Variants in SLAIN2 observed in about 807,000 individuals in gnomAD.
SLAIN2 encodes the protein SLAIN motif-containing protein 2.
A neutral mutation model predicts 56.6 loss-of-function variants in SLAIN2; 31 were observed. The observed-to-expected ratio is 0.55, with a 90% CI of 0.41 to 0.74. The LOEUF is 0.74. Among genes scored for constraint, SLAIN2 ranks in the 30% least tolerant of loss-of-function variants. SLAIN2 has a pLI of 0.00. For missense variants in SLAIN2, 777 were observed against 754.2 expected (o/e 1.03, Z -0.35); for synonymous variants, 317 against 284.9 (o/e 1.11, Z -1.13).
chr4:48,404,699 A>G (rs1716649583), intron 6 of SLAIN2, among the ~76,000 whole-genome samples: 2 of 152,192 alleles, frequency 1.3e-5, no homozygotes, highest in Admixed American at 6.5e-5. Context: ...AGACTTAATA[A>G]TGTTTTTATG....
intron 6 of SLAIN2, among the ~76,000 whole-genome samples, chr4:48,388,954 A>G (rs1282429101): frequency 1.3e-5 from 2 of 152,234 alleles, no homozygotes; most frequent in African/African-American, 4.8e-5. Context: ...CTGAAGAGAG[A>G]AGGACGACTG....
intron 5 of SLAIN2, among the ~76,000 whole-genome samples, chr4:48,383,197 G>C (rs545970189): frequency 1.4e-5 from 2 of 145,646 alleles, no homozygotes; most frequent in Admixed American, 6.8e-5. Context: ...AAAGTTTCTA[G>C]ATTAAAAAAA....
At chr4:48,347,449 A>G (rs1223171318) in intron 1 of SLAIN2, among the ~76,000 whole-genome samples, 5 of 151,626 alleles carry the variant, frequency 3.3e-5, no homozygotes, top group Admixed American at 6.6e-5. Flanking sequence ...GGGTCTCACT[A>G]TGTTGCCCAG....
At chr4:48,370,389 G>C (rs75239362) in intron 2 of SLAIN2, among the ~76,000 whole-genome samples, 5,097 of 152,258 alleles carry the variant, frequency 0.033, 101 homozygotes, top group Admixed American at 0.048. Flanking sequence ...CAGAGACCTT[G>C]TTCTCACTCT....
chr4:48,377,766 CA>C (rs1302600910), intron 2 of SLAIN2, 129 bp from the exon 3 acceptor site: 1 of 860,416 alleles, frequency 1.2e-6, no homozygotes, highest in Non-Finnish European at 1.8e-6. Context: ...TTTTTTCCCC[CA>C]CTACCATAAG....
chr4:48,421,001 GTTTTGT>G lies in SLAIN2; in HGVS notation c.1679+574_1679+579del, dbSNP rs567378505. 4.3e-3 allele frequency among the ~76,000 whole-genome samples: 648 copies of G among 151,926 alleles called. 3 individuals carry two copies. Among genetic ancestry groups the G allele is most frequent in the African/African-American group, 0.015 (607 of 41,472 alleles). ...GCTAGGTATTTTGTTGTTGTTTTTTGTTTTGTTTTTGTTTTTGTTTTGTTTTTGTTT... is the reference window on the plus strand; with the variant it reads ...GCTAGGTATTTTGTTGTTGTTTTTTGTTTTGTTTTTGTTTTGTTTTTGTTT... On this transcript the variant is annotated intron_variant, in intron 7 of 7. Transcript: ENST00000264313.
intron 6 of SLAIN2, among the ~76,000 whole-genome samples, chr4:48,413,353 C>A (rs538642346): frequency 1.3e-5 from 2 of 152,276 alleles, no homozygotes; most frequent in Admixed American, 1.3e-4. Context: ...TCCTGACTTT[C>A]CTATTTGCTC....
chr4:48,420,373 C>G lies in SLAIN2; in HGVS notation c.1609C>G (p.Pro537Ala). 6.2e-7 allele frequency: 1 copy of G among 1,614,024 alleles called. No individual in the cohort carries two copies. The highest frequency in any genetic ancestry group is 8.5e-7 in the Non-Finnish European group (1 of 1,179,880). ...GACAACTGCAATGAGAAGTGGCTTG[C>G]CCAGACCCAGTGCCCCTTCTGCTGG... ...AGTTAMRSGL[P>A]RPSAPSAGGI... The change falls in exon 7 of 8, where the codon CCC (proline) becomes GCC (alanine). Residue 537 changes from proline to alanine, a missense_variant. Coordinates refer to ENST00000264313, the MANE Select transcript of SLAIN2 (RefSeq NM_020846.2).
chr4:48,382,961 T>C, intron 5 of SLAIN2, 34 bp downstream of exon 5: 1 of 1,537,140 alleles, frequency 6.5e-7, no homozygotes, highest in Non-Finnish European at 8.8e-7. Context: ...AATTAGACAG[T>C]TTCTGCTAGC....
At chr4:48,390,175 A>G (rs910883733) in intron 6 of SLAIN2, among the ~76,000 whole-genome samples, 1 of 148,546 alleles carries the variant, frequency 6.7e-6, no homozygotes, top group African/African-American at 2.5e-5. Flanking sequence ...CCCAGGTTCC[A>G]GCAATTCCCC....
At chr4:48,360,301 T>G (rs998723905) in intron 1 of SLAIN2, among the ~76,000 whole-genome samples, 1 of 151,970 alleles carries the variant, frequency 6.6e-6, no homozygotes, top group Non-Finnish European at 1.5e-5. Context: ...ACGTTTAAAG[T>G]GTACTGTGGG....
intron 6 of SLAIN2, among the ~76,000 whole-genome samples, chr4:48,384,335 A>G (rs2109764281): frequency 6.6e-6 from 1 of 152,206 alleles, no homozygotes; most frequent in East Asian, 1.9e-4. Flanking sequence ...GGATGATCTC[A>G]TTTTATTTCT....
At chr4:48,411,624 T>A (rs2029348) in intron 6 of SLAIN2, among the ~76,000 whole-genome samples, 79,876 of 151,122 alleles carry the variant, frequency 0.53, 22,145 homozygotes, top group South Asian at 0.69. Context: ...TTCCTTAGCA[T>A]GAAGTTTTAC....
Position 48,382,911 on chromosome 4 carries a change from C to G in SLAIN2, c.1206C>G (p.Ser402Arg), listed in dbSNP as rs777977914. The change falls in exon 5 of 8, where the codon AGC becomes AGG. Residue 402 changes from serine (S) to arginine (R), a missense_variant. Ser to Arg is a moderately radical substitution (Grantham distance 110, BLOSUM62 -1). Transcript: ENST00000264313. ...LQGHPTDLQT[S>R]NVKNEEKLRR... ...GCCATCCCACAGATTTACAGACAAG[C>G]AATGTTAAAAATGAAGGTAAAATAG... 1.6e-5 allele frequency: 25 copies of G among 1,606,014 alleles called. No individual in the cohort carries two copies. Among genetic ancestry groups the G allele is most frequent in the Non-Finnish European group, 2.0e-5 (24 of 1,174,774 alleles).
chr4:48,420,539 A>G, intron 7 of SLAIN2, 96 bp downstream of exon 7: 2 of 1,383,012 alleles, frequency 1.4e-6, no homozygotes, highest in Non-Finnish European at 2.0e-6. Flanking sequence ...TAGTAAACAG[A>G]AAGTCATGGT....
chr4:48,382,537 T>C, intron 4 of SLAIN2, 31 bp from the exon 5 acceptor site: 1 of 1,452,110 alleles, frequency 6.9e-7, no homozygotes, highest in Non-Finnish European at 9.1e-7. Flanking sequence ...TTAAAAATAT[T>C]GTTTAAATAA....
At chr4:48,373,106 T>G (rs1164196000) in intron 2 of SLAIN2, among the ~76,000 whole-genome samples, 1 of 152,206 alleles carries the variant, frequency 6.6e-6, no homozygotes, top group Non-Finnish European at 1.5e-5. Context: ...TCATTGAAGA[T>G]TCTTCCTTTT....
At chr4:48,373,238 C>T (rs1715717652) in intron 2 of SLAIN2, among the ~76,000 whole-genome samples, 1 of 152,186 alleles carries the variant, frequency 6.6e-6, no homozygotes, top group Non-Finnish European at 1.5e-5. Flanking sequence ...CTGTCACTAT[C>T]ATATCCAGGT....
At chr4:48,349,642 T>C (rs1714960203) in intron 1 of SLAIN2, among the ~76,000 whole-genome samples, 1 of 152,238 alleles carries the variant, frequency 6.6e-6, no homozygotes, top group African/African-American at 2.4e-5. Context: ...CATGAATTGC[T>C]TTTAGAATTT....
Sources: allele counts gnomAD v4.1 joint callset (sites outside exome capture counted in the v4.1 genomes callset), GRCh38; gene constraint gnomAD v4.1.1; transcripts MANE v1.5; gene names NCBI Gene and HGNC (gene_info 2026-07-23, HGNC 2026-07-21).